The following COL27A1 variants were observed in gnomAD, a reference collection of about 807,000 sequenced individuals.
COL27A1 encodes collagen alpha-1(XXVII) chain.
In COL27A1, 106 loss-of-function variants were observed where a neutral mutation model predicts 251.3. That is an observed-to-expected ratio of 0.42 (90% confidence interval 0.36 to 0.50). The LOEUF is 0.50. Among genes scored for constraint, COL27A1 ranks in the 20% least tolerant of loss-of-function variants. The pLI, the probability that COL27A1 is intolerant of heterozygous loss-of-function variation, is 0.00. For missense variants in COL27A1, 2,325 were observed against 2,522.8 expected, an observed-to-expected ratio of 0.92 and a Z score of 1.68; for synonymous variants, 1,000 against 986.3, an observed-to-expected ratio of 1.01 and a Z score of -0.26.
intron 49 of COL27A1, among the ~76,000 whole-genome samples, chr9:114,298,830 A>G (rs1828420937): frequency 1.3e-5 from 2 of 152,272 alleles, no homozygotes; most frequent in Non-Finnish European, 2.9e-5. Flanking sequence ...GGCACCATCA[A>G]GAAAGTGAAA....
chr9:114,211,319 A>G (rs1830347213), intron 12 of COL27A1, among the ~76,000 whole-genome samples: 1 of 152,112 alleles, frequency 6.6e-6, no homozygotes, highest in Non-Finnish European at 1.5e-5. Context: ...CTTCTGTCTA[A>G]GGTATTTGTG....
At chr9:114,300,218 A>G in intron 50 of COL27A1, 95 bp downstream of exon 50, 2 of 1,323,452 alleles carry the variant, frequency 1.5e-6, no homozygotes, top group East Asian at 4.7e-5. Flanking sequence ...GGAGCACTGA[A>G]AACATTGGCT....
intron 5 of COL27A1, among the ~76,000 whole-genome samples, chr9:114,193,166 G>A (rs1828864584): frequency 6.6e-6 from 1 of 152,144 alleles, no homozygotes; most frequent in Admixed American, 6.5e-5. Context: ...GGAGGGGAGA[G>A]GGCTCAAGGT....
intron 23 of COL27A1, among the ~76,000 whole-genome samples, chr9:114,245,161 T>G (rs961267652): frequency 0.052 from 7,373 of 142,428 alleles, 295 homozygotes; most frequent in African/African-American, 0.085. Context: ...TTTTTTTTTT[T>G]TTTTTTTTTT....
At chr9:114,206,930 CAG>C (rs1276445300) in intron 10 of COL27A1, among the ~76,000 whole-genome samples, 1 of 152,312 alleles carries the variant, frequency 6.6e-6, no homozygotes, top group Admixed American at 6.5e-5. Flanking sequence ...TGTGGGAAGA[CAG>C]AGAGGGTTCT....
At chr9:114,300,442 C>A in intron 50 of COL27A1, 183 bp from the exon 51 acceptor site, 1 of 579,568 alleles carries the variant, frequency 1.7e-6, no homozygotes, top group South Asian at 2.3e-5. Context: ...CAGCACTGAG[C>A]CAACACACTG....
intron 2 of COL27A1, among the ~76,000 whole-genome samples, chr9:114,163,414 A>AAAG (rs1322702589): frequency 7.9e-4 from 120 of 152,108 alleles, no homozygotes; most frequent in African/African-American, 2.5e-3. Flanking sequence ...AAAAAAAAAA[A>AAAG]AAAGGCATTA....
intron 24 of COL27A1, among the ~76,000 whole-genome samples, chr9:114,247,672 C>A (rs929113031): frequency 6.6e-6 from 1 of 152,144 alleles, no homozygotes; most frequent in African/African-American, 2.4e-5. Context: ...TGGACAGTAG[C>A]GGGAAGGAGG....
intron 24 of COL27A1, 120 bp downstream of exon 24, chr9:114,246,030 G>A (rs1167187115): frequency 1.2e-6 from 1 of 837,386 alleles, no homozygotes; most frequent in Non-Finnish European, 1.9e-6. Context: ...CAACTCCAGA[G>A]GTAGGTTCAG....
intron 3 of COL27A1, 114 bp downstream of exon 3, chr9:114,169,577 T>C: frequency 1.2e-6 from 1 of 808,092 alleles, no homozygotes; most frequent in African/African-American, 1.7e-5. Flanking sequence ...AGCAGGGAGC[T>C]GGTTATGGGT....
chr9:114,202,606 T>C (rs1287513297), intron 7 of COL27A1, among the ~76,000 whole-genome samples: 1 of 152,206 alleles, frequency 6.6e-6, no homozygotes, highest in African/African-American at 2.4e-5. Context: ...ACCGCCAGCA[T>C]GCTCTGACCT....
chr9:114,186,661 G>T (rs1828361666), intron 5 of COL27A1, among the ~76,000 whole-genome samples: 1 of 152,210 alleles, frequency 6.6e-6, no homozygotes, highest in South Asian at 2.1e-4. Context: ...AGGGCAACAG[G>T]CCTGGTAGTT....
intron 39 of COL27A1, 81 bp from the exon 40 acceptor site, chr9:114,283,628 G>A (rs952508908): frequency 1.5e-6 from 2 of 1,339,126 alleles, no homozygotes; most frequent in Non-Finnish European, 2.1e-6. Flanking sequence ...GGCGGAGCGG[G>A]GCTGGAGCCT....
At chr9:114,273,586 T>C (rs1835290892) in intron 36 of COL27A1, 1 of 152,394 alleles carries the variant, frequency 6.6e-6, no homozygotes, top group Non-Finnish European at 1.5e-5. Flanking sequence ...AGCCCCAGGC[T>C]CCAGCTTCAT....
At chr9:114,176,222 T>A (rs549551711) in intron 3 of COL27A1, among the ~76,000 whole-genome samples, 44 of 152,322 alleles carry the variant, frequency 2.9e-4, no homozygotes, top group African/African-American at 1.0e-3. Flanking sequence ...CCCTGCTTTT[T>A]CTTTAATTCT....
At chr9:114,178,527 A>G (rs1054673491) in intron 4 of COL27A1, among the ~76,000 whole-genome samples, 183 bp downstream of exon 4, 4 of 152,072 alleles carry the variant, frequency 2.6e-5, no homozygotes, top group Non-Finnish European at 4.4e-5. Context: ...ATGGACAGAT[A>G]TGGCATGGAA....
At position 114,240,467 on chromosome 9, in the gene COL27A1, C is replaced by T. The variant is rs200705000; in HGVS notation, c.2815C>T (p.Arg939Cys). 84 of 1,612,334 alleles carry T rather than the reference C, an allele frequency of 5.2e-5. 1 individual carries two copies. The East Asian group carries it at 8.2e-4, about 16-fold the overall frequency. The change falls in exon 21 of 61, where the codon CGT becomes TGT. Residue 939 changes from arginine (R) to cysteine (C), a missense_variant. Arg to Cys is a radical substitution (Grantham distance 180). This residue lies in a region of COL27A1 where 662 missense variants were observed against 795.3 expected (regional missense o/e 0.83). Coordinates refer to ENST00000356083, the MANE Select transcript of COL27A1 (RefSeq NM_032888.4). Reference protein sequence around the residue: ...KPGARGLPGPRGQLGPEGDEG... With the variant: ...KPGARGLPGPCGQLGPEGDEG... ...TGGAGCCCGAGGCCTGCCGGGACCC[C>T]GTGGGCAGCTGGGGCCCGAGGTGAG...
chr9:114,163,390 C>G (rs1848624642), intron 2 of COL27A1, among the ~76,000 whole-genome samples: 1 of 147,430 alleles, frequency 6.8e-6, no homozygotes, highest in Admixed American at 6.8e-5. Context: ...CCAATGAGTG[C>G]TCTAAGAACT....
chr9:114,157,941 A>T (rs1848228790), intron 1 of COL27A1, among the ~76,000 whole-genome samples: 1 of 152,140 alleles, frequency 6.6e-6, no homozygotes, highest in Admixed American at 6.5e-5. Flanking sequence ...TGCTCAGTAA[A>T]CGGCAGCTGG....
Sources: allele counts gnomAD v4.1 joint callset (sites outside exome capture counted in the v4.1 genomes callset), GRCh38; gene constraint gnomAD v4.1.1; regional missense constraint gnomAD v4.1.1; transcripts MANE v1.5; gene names NCBI Gene and HGNC (gene_info 2026-07-23, HGNC 2026-07-21).